Variants in TM9SF4 observed in about 807,000 individuals in gnomAD.
TM9SF4 encodes the protein transmembrane 9 superfamily member 4, also known as dinucleotide oxidase disulfide thiol exchanger 3 superfamily member 4.
TM9SF4 carries 26 observed loss-of-function variants against 90.4 expected under a neutral mutation model. That is an observed-to-expected ratio of 0.29 (90% CI 0.21 to 0.40). The LOEUF (loss-of-function observed/expected upper bound fraction) is 0.40, where lower values mean the gene tolerates loss of function less well. TM9SF4 is among the 10% of genes least tolerant of loss of function. The pLI is 1.00. For missense variants in TM9SF4, 549 were observed against 834.8 expected (o/e 0.66, Z 4.22); for synonymous variants, 293 against 315.4 (o/e 0.93, Z 0.75).
At chr20:32,137,579 G>C (rs2046612211) in intron 3 of TM9SF4, among the ~76,000 whole-genome samples, 1 of 152,172 alleles carries the variant, frequency 6.6e-6, no homozygotes, top group Admixed American at 6.5e-5. Context: ...TGGAGGGATT[G>C]TGTCTCACAT....
chr20:32,134,189 A>G (rs1218030330), intron 2 of TM9SF4, among the ~76,000 whole-genome samples: 1 of 152,048 alleles, frequency 6.6e-6, no homozygotes, highest in Non-Finnish European at 1.5e-5. Flanking sequence ...AGAGCAGAGG[A>G]GTGGCCTGGA....
intron 8 of TM9SF4, among the ~76,000 whole-genome samples, chr20:32,146,329 C>T (rs78249017): frequency 5.3e-5 from 8 of 152,036 alleles, no homozygotes; most frequent in African/African-American, 9.7e-5. Flanking sequence ...GAGTGAGCCT[C>T]GAAGCACGCG....
chr20:32,164,888 A>C (rs180683773), intron 17 of TM9SF4, among the ~76,000 whole-genome samples: 2 of 152,118 alleles, frequency 1.3e-5, no homozygotes, highest in African/African-American at 4.8e-5. Flanking sequence ...AGAGGAATGA[A>C]TGGAGGCTGA....
intron 17 of TM9SF4, among the ~76,000 whole-genome samples, chr20:32,163,006 G>A (rs969981944): frequency 3.9e-5 from 6 of 151,970 alleles, no homozygotes; most frequent in Admixed American, 6.6e-5. Context: ...CCAGCACTTC[G>A]GGAGGCCGAG....
At chr20:32,140,228 A>C (rs2046652384) in intron 3 of TM9SF4, among the ~76,000 whole-genome samples, 1 of 152,234 alleles carries the variant, frequency 6.6e-6, no homozygotes, top group South Asian at 2.1e-4. Context: ...TGAACAGCTC[A>C]GAATGAAAGC....
intron 3 of TM9SF4, among the ~76,000 whole-genome samples, chr20:32,137,444 C>T (rs146796317): frequency 7.9e-5 from 12 of 152,300 alleles, no homozygotes; most frequent in African/African-American, 1.2e-4. Context: ...GCCAAATCTT[C>T]GTGAAGCTGG....
chr20:32,139,881 A>G (rs2046646834), intron 3 of TM9SF4, among the ~76,000 whole-genome samples: 1 of 152,212 alleles, frequency 6.6e-6, no homozygotes, highest in Non-Finnish European at 1.5e-5. Context: ...TTCTTTGCTC[A>G]GTTAACATCT....
At chr20:32,129,848 A>G (rs2046485232) in intron 1 of TM9SF4, among the ~76,000 whole-genome samples, 1 of 152,120 alleles carries the variant, frequency 6.6e-6, no homozygotes, top group Non-Finnish European at 1.5e-5. Context: ...TGGCCTCCCA[A>G]AGTGCTAGGA....
chr20:32,149,852 G>A, intron 10 of TM9SF4, 86 bp downstream of exon 10: 2 of 1,555,096 alleles, frequency 1.3e-6, no homozygotes, highest in Non-Finnish European at 8.7e-7. Context: ...TTCCCTCCCT[G>A]GAGAAAGGGA....
chr20:32,119,010 G>T (rs1267723682), intron 1 of TM9SF4, among the ~76,000 whole-genome samples: 1 of 152,248 alleles, frequency 6.6e-6, no homozygotes, highest in East Asian at 1.9e-4. Context: ...ACATTATGTT[G>T]TGTGCCTACC....
chr20:32,113,418 C>T (rs867716972), intron 1 of TM9SF4, among the ~76,000 whole-genome samples: 38 of 152,158 alleles, frequency 2.5e-4, no homozygotes, highest in African/African-American at 8.0e-4. Flanking sequence ...TAGATTTAGA[C>T]TACTCTGTAA....
At chr20:32,110,339 C>G (rs1041383198) in intron 1 of TM9SF4, among the ~76,000 whole-genome samples, 2 of 152,188 alleles carry the variant, frequency 1.3e-5, no homozygotes, top group African/African-American at 2.4e-5. Context: ...TCTTTCATCC[C>G]TAGAGGCTTC....
chr20:32,125,681 CTTTTTTT>C (rs11470673), intron 1 of TM9SF4, among the ~76,000 whole-genome samples: 1 of 108,950 alleles, frequency 9.2e-6, no homozygotes, highest in Non-Finnish European at 1.8e-5. Context: ...TCTCTTTTTT[CTTTTTTT>C]TTTTTTTTTT....
intron 17 of TM9SF4, among the ~76,000 whole-genome samples, chr20:32,164,487 G>A (rs970059456): frequency 4.6e-5 from 7 of 152,210 alleles, no homozygotes; most frequent in Non-Finnish European, 1.0e-4. Context: ...GCTCTAGTCT[G>A]GGTAATAGAG....
chr20:32,132,376 C>T (rs2046531002), intron 1 of TM9SF4, among the ~76,000 whole-genome samples: 1 of 151,908 alleles, frequency 6.6e-6, no homozygotes, highest in Admixed American at 6.5e-5. Context: ...TGTACTCCAA[C>T]CTGGGTAACT....
At chr20:32,163,268 A>AAATATATATATATATATATATAT (rs1555886757) in intron 17 of TM9SF4, among the ~76,000 whole-genome samples, 1 of 74,488 alleles carries the variant, frequency 1.3e-5, no homozygotes, top group African/African-American at 5.9e-5. Flanking sequence ...AAAAAAAAAA[A>AAATATATATATATATATATATAT]ATATATATAT....
At chr20:32,131,732 T>C (rs2235899) in intron 1 of TM9SF4, among the ~76,000 whole-genome samples, 64,281 of 152,028 alleles carry the variant, frequency 0.42, 13,958 homozygotes, top group East Asian at 0.74. Flanking sequence ...TCAGACTGCG[T>C]AGAAAGAAGA....
intron 12 of TM9SF4, 117 bp from the exon 13 acceptor site, chr20:32,154,986 C>T (rs1457563426): frequency 1.3e-6 from 1 of 765,048 alleles, no homozygotes; most frequent in African/African-American, 1.7e-5. Flanking sequence ...AGGAATGATG[C>T]TTGAGCAGAG....
intron 9 of TM9SF4, among the ~76,000 whole-genome samples, chr20:32,148,004 C>T (rs6142621): frequency 0.42 from 64,249 of 151,786 alleles, 13,944 homozygotes; most frequent in East Asian, 0.74. Context: ...TCCAGCTACT[C>T]GGGATGCTGA....
Sources: allele counts gnomAD v4.1 joint callset (sites outside exome capture counted in the v4.1 genomes callset), GRCh38; gene constraint gnomAD v4.1.1; transcripts MANE v1.5; gene names NCBI Gene and HGNC (gene_info 2026-07-23, HGNC 2026-07-21).